OSBP: variants seen among roughly 807,000 people sequenced by gnomAD.
OSBP encodes the protein oxysterol-binding protein 1.
In OSBP, 32 loss-of-function variants were observed where a neutral mutation model predicts 96.6. That is an observed-to-expected ratio of 0.33 (90% CI 0.25 to 0.45). The LOEUF is 0.45. Among genes scored for constraint, OSBP ranks in the 20% least tolerant of loss-of-function variants. OSBP has a pLI of 1.00. For synonymous variants in OSBP, 369 were observed against 389.6 expected, an observed-to-expected ratio of 0.95 and a Z score of 0.62; for missense variants, 653 against 1,029.7, an observed-to-expected ratio of 0.63 and a Z score of 5.01.
At chr11:59,586,933 T>A (rs993175304) in intron 9 of OSBP, among the ~76,000 whole-genome samples, 1 of 152,020 alleles carries the variant, frequency 6.6e-6, no homozygotes. Context: ...GAAGAAAACA[T>A]AGGGCAAAAG....
In OSBP at chr11:59,574,745, T is replaced by C. The variant is rs760884234; in HGVS notation, c.*1832A>G. ...GGGAATAAGGTTCTTAGGAGGAAAT[T>C]CCCCAGCAGTCAAAGTCACTCCTCT... On this transcript the variant is annotated 3_prime_UTR_variant, in exon 14 of 14. Coordinates refer to ENST00000263847, the MANE Select transcript of OSBP (RefSeq NM_002556.3). 1.3e-5 allele frequency: 2 copies of C among 152,524 alleles called. No individual in the cohort carries two copies. The highest frequency in any genetic ancestry group is 2.9e-5 in the Non-Finnish European group (2 of 68,012). The allele number at this position is 152,524 out of a possible 1,614,324, so 9.4% of individuals were successfully genotyped here.
chr11:59,608,467 A>G lies in OSBP; in HGVS notation c.822+17T>C. The G allele has an allele frequency of 6.2e-7, 1 of 1,613,992 alleles. No homozygotes were observed. ...GGGAATGAATCAAAAAGCAACACAG[A>G]CACCATCTGCACTCACGTTGATCAT... On this transcript the variant is annotated intron_variant, in intron 3 of 13. Transcript: ENST00000263847.
intron 7 of OSBP, among the ~76,000 whole-genome samples, chr11:59,596,327 G>A (rs1043035870): frequency 1.3e-4 from 20 of 152,094 alleles, no homozygotes; most frequent in Non-Finnish European, 4.4e-5. Flanking sequence ...TACATTTTGA[G>A]GAAAACTGGG....
Position 59,593,663 on chromosome 11 carries a change from C to A in OSBP, c.1619G>T (p.Arg540Leu). The change falls in exon 9 of 14, where the codon CGT becomes CTT. Residue 540 changes from arginine to leucine, a missense_variant. Arg to Leu is a moderately radical substitution (Grantham distance 102). This residue lies in a region of OSBP where 308 missense variants were observed against 573.1 expected (regional missense o/e 0.54). Transcript: ENST00000263847. ...HAESKNGWTL[R>L]QEIKITSKFR... ...CTTGCTGGTGATTTTGATTTCCTGACGCAATGTCCAGCCATTTTTGGACTC... is the reference window on the plus strand; with the variant it reads ...CTTGCTGGTGATTTTGATTTCCTGAAGCAATGTCCAGCCATTTTTGGACTC... The A allele has an allele frequency of 6.2e-7, 1 of 1,613,964 alleles. No individual in the cohort carries two copies. The highest frequency in any genetic ancestry group is 1.1e-5 in the South Asian group (1 of 91,080).
chr11:59,592,522 T>C (rs1370141644), intron 9 of OSBP, among the ~76,000 whole-genome samples: 3 of 152,212 alleles, frequency 2.0e-5, no homozygotes, highest in Admixed American at 6.5e-5. Flanking sequence ...GGAGTTATGG[T>C]AAGCTCTGTC....
intron 3 of OSBP, among the ~76,000 whole-genome samples, chr11:59,602,783 G>A (rs567222985): frequency 3.3e-5 from 5 of 152,228 alleles, no homozygotes; most frequent in South Asian, 4.2e-4. Context: ...CACCATGGCC[G>A]ACTAATTTTT....
intron 5 of OSBP, 109 bp from the exon 6 acceptor site, chr11:59,600,982 G>A (rs1344308355): frequency 1.2e-6 from 1 of 855,094 alleles, no homozygotes; most frequent in African/African-American, 1.7e-5. Flanking sequence ...TAAACTTATT[G>A]ATGGGTGATC....
Position 59,576,425 on chromosome 11 carries a change from G to T in OSBP, c.*152C>A. Reference sequence around the variant, plus strand: ...CAACCAGCCAATCACCACCACTGGTGTCTCCTTCTGGTGATTGATTTGGAA... The same window carrying T: ...CAACCAGCCAATCACCACCACTGGTTTCTCCTTCTGGTGATTGATTTGGAA... On this transcript the variant is annotated 3_prime_UTR_variant, in exon 14 of 14. Coordinates refer to ENST00000263847, the MANE Select transcript of OSBP (RefSeq NM_002556.3). 1.2e-6 allele frequency: 1 copy of T among 824,810 alleles called. No individual in the cohort carries two copies. Among genetic ancestry groups the T allele is most frequent in the Non-Finnish European group, 1.9e-6 (1 of 524,580 alleles). The allele number at this position is 824,810 out of a possible 1,614,324, so 51.1% of individuals were successfully genotyped here. A position where few individuals can be genotyped will look rare whatever the true frequency, so the allele number is the denominator to read the frequency against.
At chr11:59,611,707 T>A (rs999026366) in intron 1 of OSBP, among the ~76,000 whole-genome samples, 7 of 152,302 alleles carry the variant, frequency 4.6e-5, no homozygotes, top group Admixed American at 3.3e-4. Context: ...AAGCCGTCTA[T>A]TAATAGCTAG....
chr11:59,578,050 C>T, intron 12 of OSBP, 99 bp downstream of exon 12: 1 of 1,098,218 alleles, frequency 9.1e-7, no homozygotes, highest in Non-Finnish European at 1.4e-6. Flanking sequence ...TGCTCAATTC[C>T]CCACATAATT....
At chr11:59,591,207 T>G (rs1388800869) in intron 9 of OSBP, among the ~76,000 whole-genome samples, 1 of 152,176 alleles carries the variant, frequency 6.6e-6, no homozygotes, top group Non-Finnish European at 1.5e-5. Context: ...CTTTAAAAAA[T>G]TAGATCTTTA....
chr11:59,601,452 CT>C (rs1860723505), intron 4 of OSBP, 67 bp from the exon 5 acceptor site: 3 of 1,271,512 alleles, frequency 2.4e-6, no homozygotes, highest in African/African-American at 1.5e-5. Context: ...ATAGCAAGTT[CT>C]TTTAAATACT....
chr11:59,601,820 T>G lies in OSBP; in HGVS notation c.841A>C (p.Met281Leu), dbSNP rs370601390. 2.9e-5 allele frequency: 47 copies of G among 1,614,056 alleles called. 1 individual carries two copies. In the Middle Eastern group the frequency reaches 1.2e-3, roughly 40 times the overall value. The change falls in exon 4 of 14, where the codon ATG becomes CTG. Residue 281 changes from methionine to leucine, a missense_variant. This residue lies in a region of OSBP where 308 missense variants were observed against 573.1 expected (regional missense o/e 0.54). Coordinates refer to ENST00000263847, the MANE Select transcript of OSBP (RefSeq NM_002556.3). ...AMINACRDFL[M>L]LAQTHSKKWQ... ...TTTTTACTATGGGTCTGGGCTAACA[T>G]GAGGAAATCTCTGCAGGCCTGTATG...
At position 59,576,922 on chromosome 11, in the gene OSBP, T is replaced by G; in HGVS notation, c.2164A>C (p.Arg722=). Residue 722 remains arginine (R), a synonymous_variant, in exon 13 of 14, where the codon AGA becomes CGA. Coordinates refer to ENST00000263847, the MANE Select transcript of OSBP (RefSeq NM_002556.3). ...TCCCAGCGTCCATTTTCCATCAGTC[T>G]CTGGTCAGGTCGTAACCGGCTGTCT... is the stretch of plus-strand genomic sequence containing the variant. ...PTDSRLRPDQ[R]LMENGRWDEA... 1.2e-6 allele frequency: 2 copies of G among 1,614,228 alleles called. No homozygotes were observed. The highest frequency in any genetic ancestry group is 1.7e-6 in the Non-Finnish European group (2 of 1,180,044).
At chr11:59,583,737 G>A (rs904255216) in intron 9 of OSBP, among the ~76,000 whole-genome samples, 7 of 137,546 alleles carry the variant, frequency 5.1e-5, no homozygotes, top group East Asian at 4.8e-4. Context: ...TCTGCCTCCC[G>A]GGTTCAAACA....
At chr11:59,580,810 T>A (rs1022587032) in intron 10 of OSBP, among the ~76,000 whole-genome samples, 1 of 152,164 alleles carries the variant, frequency 6.6e-6, no homozygotes, top group Non-Finnish European at 1.5e-5. Flanking sequence ...TGAGCCAACA[T>A]GCCCAGCCCA....
chr11:59,580,018 C>T (rs1332235891), intron 11 of OSBP, among the ~76,000 whole-genome samples, 156 bp downstream of exon 11: 1 of 152,054 alleles, frequency 6.6e-6, no homozygotes, highest in Admixed American at 6.6e-5. Flanking sequence ...AGCCTTTCAC[C>T]TCTACTTTTT....
chr11:59,576,549 T>C lies in OSBP; in HGVS notation c.*28A>G. ...ACATCCTCTGTCCTCTTCTCCATTA[T>C]ATGCTCCTCTTTTTTGTTACTGCCG... On this transcript the variant is annotated 3_prime_UTR_variant, in exon 14 of 14. Transcript: ENST00000263847. The C allele has an allele frequency of 1.2e-6, 2 of 1,608,546 alleles. No individual in the cohort carries two copies. The highest frequency in any genetic ancestry group is 1.7e-4 in the Middle Eastern group (1 of 6,030).
rs377349697 is a variant in OSBP, at chr11:59,576,729, A to C, written c.2282-10T>G. 17 of 1,611,884 alleles carry C rather than the reference A, an allele frequency of 1.1e-5. No homozygotes were observed. The African/African-American group carries it at 1.5e-4, about 14-fold the overall frequency. ...GGATCATATGGTGTGCCTAAAAGGA[A>C]AAGAGAGGAAAGAAAAAAATTAGTG... On this transcript the variant is annotated splice_polypyrimidine_tract_variant and intron_variant, in intron 13 of 13. Transcript: ENST00000263847.
Sources: gnomAD v4.1 joint callset for allele counts (sites outside exome capture counted in the v4.1 genomes callset) on GRCh38, gnomAD v4.1.1 for gene constraint, gnomAD v4.1.1 regional missense constraint, MANE v1.5 for transcripts, NCBI Gene and HGNC (gene_info 2026-07-23, HGNC 2026-07-21) for gene names.